HS3ST2: variants seen among roughly 807,000 people sequenced by gnomAD.
The protein encoded by HS3ST2 is heparan sulfate glucosamine 3-O-sulfotransferase 2.
In HS3ST2, 17 loss-of-function variants were observed where a neutral mutation model predicts 26.3. The ratio of observed to expected loss-of-function variants is 0.65; its 90% CI spans 0.44 to 0.97. The LOEUF (loss-of-function observed/expected upper bound fraction) is 0.97, where lower values mean the gene tolerates loss of function less well. Among genes scored for constraint, HS3ST2 ranks in the 50% least tolerant of loss-of-function variants. HS3ST2 has a pLI of 0.00. For synonymous variants in HS3ST2, 237 were observed against 219.2 expected (o/e 1.08, Z -0.72); for missense variants, 402 against 501.2 (o/e 0.80, Z 1.89).
At chr16:22,869,381 C>G (rs2141192574) in intron 1 of HS3ST2, among the ~76,000 whole-genome samples, 1 of 152,214 alleles carries the variant, frequency 6.6e-6, no homozygotes, top group East Asian at 1.9e-4. Context: ...CTTAGCTGGC[C>G]CAAGACTCAG....
rs149702836 is a variant in HS3ST2, at chr16:22,900,424, A to G, written c.486-14520A>G. Among the ~76,000 whole-genome samples, 553 of 152,296 alleles carry G rather than the reference A, an allele frequency of 3.6e-3. 4 individuals carry two copies. Among genetic ancestry groups the G allele is most frequent in the African/African-American group, 0.013 (528 of 41,570 alleles). On this transcript the variant is annotated intron_variant, in intron 1 of 1. Transcript: ENST00000261374. Reference sequence around the variant, plus strand: ...AAGCTAGAAAGTAGAGCCTAGCTAGAGACAGGCACTGGGCTGCTCCCCACA... The same window carrying G: ...AAGCTAGAAAGTAGAGCCTAGCTAGGGACAGGCACTGGGCTGCTCCCCACA...
chr16:22,863,190 C>T (rs911359505), intron 1 of HS3ST2, among the ~76,000 whole-genome samples: 6 of 152,232 alleles, frequency 3.9e-5, no homozygotes, highest in African/African-American at 1.4e-4. Flanking sequence ...CTTCCAGAAT[C>T]TTGCCCTTTG....
chr16:22,843,268 G>C (rs1161797707), intron 1 of HS3ST2, among the ~76,000 whole-genome samples: 5 of 152,030 alleles, frequency 3.3e-5, no homozygotes, highest in African/African-American at 1.2e-4. Flanking sequence ...ACAAACTTTT[G>C]GGTTAATTTC....
At chr16:22,833,743 C>G (rs183889898) in intron 1 of HS3ST2, among the ~76,000 whole-genome samples, 1 of 152,148 alleles carries the variant, frequency 6.6e-6, no homozygotes, top group South Asian at 2.1e-4. Flanking sequence ...GTGGGATCTG[C>G]TACTATCATC....
intron 1 of HS3ST2, among the ~76,000 whole-genome samples, chr16:22,913,123 A>AAGGAAGG (rs1902443963): frequency 2.1e-5 from 2 of 94,172 alleles, no homozygotes; most frequent in Middle Eastern, 5.1e-3. Flanking sequence ...GAGAAGAAAG[A>AAGGAAGG]AAGGAAGGAA....
intron 1 of HS3ST2, among the ~76,000 whole-genome samples, chr16:22,862,510 G>A (rs7192450): frequency 0.088 from 13,401 of 152,190 alleles, 792 homozygotes; most frequent in African/African-American, 0.17. Context: ...TGCAGCATGT[G>A]AGCTTCACCC....
At chr16:22,895,505 A>T (rs1175366218) in intron 1 of HS3ST2, among the ~76,000 whole-genome samples, 1 of 152,166 alleles carries the variant, frequency 6.6e-6, no homozygotes, top group African/African-American at 2.4e-5. Flanking sequence ...CTTTCTTTAG[A>T]ATTACATTTT....
intron 1 of HS3ST2, among the ~76,000 whole-genome samples, chr16:22,850,101 A>G (rs371891714): frequency 6.6e-6 from 1 of 152,210 alleles, no homozygotes; most frequent in Non-Finnish European, 1.5e-5. Context: ...TTCATTGTTT[A>G]TCTGACATTT....
chr16:22,902,077 A>G (rs1310747486), intron 1 of HS3ST2, among the ~76,000 whole-genome samples: 2 of 152,258 alleles, frequency 1.3e-5, no homozygotes, highest in East Asian at 3.9e-4. Context: ...GAAGATGTCT[A>G]TGCATATAGG....
chr16:22,847,691 A>G (rs1204778067), intron 1 of HS3ST2, among the ~76,000 whole-genome samples: 1 of 152,010 alleles, frequency 6.6e-6, no homozygotes, highest in Non-Finnish European at 1.5e-5. Flanking sequence ...CGAAGGGCAT[A>G]CATGATAAGC....
At chr16:22,845,923 C>T (rs1256325209) in intron 1 of HS3ST2, among the ~76,000 whole-genome samples, 1 of 152,174 alleles carries the variant, frequency 6.6e-6, no homozygotes, top group Non-Finnish European at 1.5e-5. Flanking sequence ...CAGGAGTTGA[C>T]ACTTCAGACT....
At chr16:22,872,202 G>A (rs1901848305) in intron 1 of HS3ST2, among the ~76,000 whole-genome samples, 1 of 152,162 alleles carries the variant, frequency 6.6e-6, no homozygotes, top group Non-Finnish European at 1.5e-5. Context: ...CAGCCCTAGA[G>A]ATAAACCCAA....
intron 1 of HS3ST2, among the ~76,000 whole-genome samples, chr16:22,889,574 A>T (rs1056417546): frequency 5.9e-5 from 9 of 152,208 alleles, no homozygotes; most frequent in Admixed American, 4.6e-4. Context: ...TAATACAAAT[A>T]TTCCAAAATC....
At chr16:22,815,189 C>T in intron 1 of HS3ST2, 94 bp downstream of exon 1, 1 of 1,499,760 alleles carries the variant, frequency 6.7e-7, no homozygotes, top group Non-Finnish European at 9.0e-7. Context: ...TCTTTTAACC[C>T]AACTCATTGT....
intron 1 of HS3ST2, among the ~76,000 whole-genome samples, chr16:22,873,865 T>G (rs1336967898): frequency 1.3e-5 from 2 of 152,182 alleles, no homozygotes; most frequent in East Asian, 3.8e-4. Context: ...GGCTGACTGA[T>G]GGATGGCAGC....
chr16:22,875,856 C>A (rs531647350), intron 1 of HS3ST2, among the ~76,000 whole-genome samples: 3 of 152,286 alleles, frequency 2.0e-5, no homozygotes, highest in East Asian at 3.9e-4. Context: ...ATTTACTGTT[C>A]TTTTCCTGTA....
chr16:22,848,609 A>G (rs1339153987), intron 1 of HS3ST2, among the ~76,000 whole-genome samples: 2 of 152,162 alleles, frequency 1.3e-5, no homozygotes, highest in African/African-American at 4.8e-5. Flanking sequence ...CTCTACCTTC[A>G]CATACGCCTC....
intron 1 of HS3ST2, among the ~76,000 whole-genome samples, chr16:22,903,958 A>G (rs1195432037): frequency 6.6e-6 from 1 of 152,160 alleles, no homozygotes; most frequent in African/African-American, 2.4e-5. Context: ...CTTCAGCTTT[A>G]TCAACTTCCC....
At chr16:22,854,021 A>G (rs1005757717) in intron 1 of HS3ST2, among the ~76,000 whole-genome samples, 1 of 152,124 alleles carries the variant, frequency 6.6e-6, no homozygotes, top group African/African-American at 2.4e-5. Flanking sequence ...TCACTATTGT[A>G]TTTTTAATCA....
Sources: gnomAD v4.1 joint callset for allele counts (sites outside exome capture counted in the v4.1 genomes callset) on GRCh38, gnomAD v4.1.1 for gene constraint, MANE v1.5 for transcripts, NCBI Gene and HGNC (gene_info 2026-07-23, HGNC 2026-07-21) for gene names.